IDH1: variants seen among roughly 807,000 people sequenced by gnomAD.
IDH1 encodes isocitrate dehydrogenase [NADP] cytoplasmic.
IDH1 carries 33 observed loss-of-function variants against 46.1 expected under a neutral mutation model. The observed-to-expected ratio is 0.72, with a 90% confidence interval of 0.54 to 0.96. The LOEUF (loss-of-function observed/expected upper bound fraction) is 0.96, where lower values mean the gene tolerates loss of function less well. Among genes scored for constraint, IDH1 ranks in the 40% least tolerant of loss-of-function variants. The probability of loss-of-function intolerance (pLI) is 0.00; values close to 1 mark genes in which losing one functional copy is unlikely to be tolerated. For missense variants in IDH1, 421 were observed against 515.7 expected (o/e 0.82, Z 1.78); for synonymous variants, 144 against 172.8 (o/e 0.83, Z 1.31).
intron 2 of IDH1, among the ~76,000 whole-genome samples, chr2:208,253,656 C>A (rs916358913): frequency 6.6e-6 from 1 of 152,080 alleles, no homozygotes; most frequent in African/African-American, 2.4e-5. Context: ...AGTTTTTGGC[C>A]AGATTGTTTT....
chr2:208,237,005 T>A lies in IDH1; in HGVS notation c.*74A>T, dbSNP rs1687822860. ...AATTGATTTTGCCTTTATCCTTGAGTGTAACACAGAAAAATGTAAACCTGT... is the reference window on the plus strand; with the variant it reads ...AATTGATTTTGCCTTTATCCTTGAGAGTAACACAGAAAAATGTAAACCTGT... On this transcript the variant is annotated 3_prime_UTR_variant, in exon 10 of 10. Coordinates refer to ENST00000345146, the MANE Select transcript of IDH1 (RefSeq NM_005896.4). 1.2e-6 allele frequency: 1 copy of A among 813,448 alleles called. No homozygotes were observed. The highest frequency in any genetic ancestry group is 2.1e-6 in the Non-Finnish European group (1 of 479,008). 50.4% of individuals were successfully genotyped at this position (813,448 alleles called of 1,614,324 possible).
At chr2:208,237,931 G>GA (rs200918475) in intron 9 of IDH1, among the ~76,000 whole-genome samples, 5,360 of 146,126 alleles carry the variant, frequency 0.037, 254 homozygotes, top group African/African-American at 0.095. Flanking sequence ...TCAATAAAAA[G>GA]AAAAAAAAAG....
intron 3 of IDH1, among the ~76,000 whole-genome samples, chr2:208,249,684 A>G (rs1267840942): frequency 6.6e-6 from 1 of 152,212 alleles, no homozygotes; most frequent in Non-Finnish European, 1.5e-5. Flanking sequence ...TGGTTCCCTT[A>G]TCTTCCTTTC....
In IDH1 at chr2:208,243,601, C is replaced by T. The variant is rs772304188; in HGVS notation, c.524G>A (p.Gly175Asp). The change falls in exon 6 of 10, where the codon GGT becomes GAT. Residue 175 changes from glycine (G) to aspartate (D), a missense_variant. Coordinates refer to ENST00000345146, the MANE Select transcript of IDH1 (RefSeq NM_005896.4). ...VTYLVHNFEE[G>D]GGVAMGMYNQ... is the part of the protein sequence containing the mutation. The stretch of plus-strand genomic sequence containing the variant: ...ATACATCCCCATGGCAACACCACCA[C>T]CTTCTGTAGAGGAGAAGCCAGTGAG... 8 of 1,612,932 alleles carry T rather than the reference C, an allele frequency of 5.0e-6. No individual in the cohort carries two copies. The highest frequency in any genetic ancestry group is 1.7e-5 in the Admixed American group (1 of 60,020).
chr2:208,250,332 T>C (rs1688099803), intron 3 of IDH1, among the ~76,000 whole-genome samples: 1 of 152,046 alleles, frequency 6.6e-6, no homozygotes, highest in Non-Finnish European at 1.5e-5. Context: ...GAAGATGTTT[T>C]TATGCCTAAT....
At chr2:208,239,672 A>G (rs1275507215) in intron 8 of IDH1, among the ~76,000 whole-genome samples, 191 bp downstream of exon 8, 2 of 152,258 alleles carry the variant, frequency 1.3e-5, no homozygotes, top group Non-Finnish European at 2.9e-5. Flanking sequence ...TCTGTAACCT[A>G]TGTTCTCCCA....
Position 208,242,110 on chromosome 2 carries a change from C to G in IDH1, c.734G>C (p.Trp245Ser). 1 of 1,613,816 alleles carries G rather than the reference C, an allele frequency of 6.2e-7. No individual in the cohort carries two copies. ...GTCGTCGATGAGCCTATGCTCATAC[C>G]AGATCTTTTGAGCTTCAAACTGGGA... ...YKSQFEAQKI[W>S]YEHRLIDDMV... The change falls in exon 7 of 10, where the codon TGG (tryptophan) becomes TCG (serine). Residue 245 changes from tryptophan (W) to serine (S), a missense_variant. Coordinates refer to ENST00000345146, the MANE Select transcript of IDH1 (RefSeq NM_005896.4).
intron 2 of IDH1, among the ~76,000 whole-genome samples, chr2:208,252,588 A>G (rs1688144020): frequency 1.3e-5 from 2 of 152,214 alleles, no homozygotes; most frequent in South Asian, 4.1e-4. Context: ...TTTTAATCCA[A>G]CAACACAGCT....
At chr2:208,247,880 C>G in intron 4 of IDH1, 1 of 173,250 alleles carries the variant, frequency 5.8e-6, no homozygotes, top group South Asian at 1.3e-4. Context: ...TTAGATTCAC[C>G]TGGGGAGCTT....
intron 8 of IDH1, 31 bp from the exon 9 acceptor site, chr2:208,239,264 C>T: frequency 1.2e-6 from 2 of 1,610,560 alleles, no homozygotes; most frequent in South Asian, 1.1e-5. Flanking sequence ...CACAACACTC[C>T]AATCATCCTA....
chr2:208,249,911 TC>T (rs1688091312), intron 3 of IDH1, among the ~76,000 whole-genome samples: 1 of 152,212 alleles, frequency 6.6e-6, no homozygotes, highest in African/African-American at 2.4e-5. Flanking sequence ...GAACCATTTC[TC>T]ATAAGGAGAA....
chr2:208,248,269 G>T (rs1052435120), intron 4 of IDH1, 100 bp downstream of exon 4: 1 of 1,016,352 alleles, frequency 9.8e-7, no homozygotes, highest in Non-Finnish European at 1.5e-6. Context: ...CTTAATGGGT[G>T]TAGATACCAA....
At chr2:208,248,320 C>T (rs749391619) in intron 4 of IDH1, 49 bp downstream of exon 4, 1 of 1,560,354 alleles carries the variant, frequency 6.4e-7, no homozygotes, top group South Asian at 1.1e-5. Flanking sequence ...AATTTCTGGG[C>T]CATGAAAAAA....
chr2:208,238,628 GAGT>G (rs1406598993), intron 9 of IDH1, among the ~76,000 whole-genome samples: 3 of 152,280 alleles, frequency 2.0e-5, no homozygotes, highest in African/African-American at 7.2e-5. Flanking sequence ...GAAAATAAAG[GAGT>G]AGAATAAAAT....
At chr2:208,241,389 ATT>A (rs35384132) in intron 7 of IDH1, among the ~76,000 whole-genome samples, 8,420 of 119,954 alleles carry the variant, frequency 0.07, 691 homozygotes, top group African/African-American at 0.2. Context: ...CACCTGGCTA[ATT>A]TTTTTTTTTT....
intron 9 of IDH1, among the ~76,000 whole-genome samples, chr2:208,238,475 G>C (rs1300378067): frequency 2.6e-5 from 4 of 152,150 alleles, no homozygotes; most frequent in Non-Finnish European, 5.9e-5. Context: ...CAGGATACTG[G>C]CTACTATGTT....
intron 7 of IDH1, 63 bp from the exon 8 acceptor site, chr2:208,240,066 G>C: frequency 6.4e-7 from 1 of 1,552,632 alleles, no homozygotes; most frequent in Non-Finnish European, 8.9e-7. Context: ...GTCTCTCAGA[G>C]ATGAGAGCAT....
intron 4 of IDH1, 142 bp downstream of exon 4, chr2:208,248,227 T>C: frequency 1.4e-6 from 1 of 708,334 alleles, no homozygotes; most frequent in South Asian, 1.7e-5. Flanking sequence ...TATACAGTTA[T>C]ACATATATGC....
At chr2:208,254,649 C>T (rs897366385) in intron 1 of IDH1, among the ~76,000 whole-genome samples, 7 of 152,228 alleles carry the variant, frequency 4.6e-5, no homozygotes, top group African/African-American at 1.7e-4. Context: ...AACCCAAGTG[C>T]AGACCTGATT....
Sources: allele counts gnomAD v4.1 joint callset (sites outside exome capture counted in the v4.1 genomes callset), GRCh38; gene constraint gnomAD v4.1.1; transcripts MANE v1.5; gene names NCBI Gene and HGNC (gene_info 2026-07-23, HGNC 2026-07-21).